Variants in PPP3CC observed in about 807,000 individuals in gnomAD.
PPP3CC encodes the protein protein phosphatase 3 catalytic subunit gamma, also known as serine/threonine-protein phosphatase 2B catalytic subunit gamma isoform.
PPP3CC carries 35 observed loss-of-function variants against 60.3 expected under a neutral mutation model. That is an observed-to-expected ratio of 0.58 (90% CI 0.44 to 0.77). The LOEUF (loss-of-function observed/expected upper bound fraction) is 0.77, where lower values mean the gene tolerates loss of function less well. Ranked by LOEUF, PPP3CC falls within the 30% of genes least tolerant of loss-of-function variation. PPP3CC has a pLI of 0.00. For missense variants in PPP3CC, 570 were observed against 628.9 expected (o/e 0.91, Z 1.00); for synonymous variants, 206 against 224.3 (o/e 0.92, Z 0.73).
At chr8:22,467,299 C>A (rs909765944) in intron 1 of PPP3CC, among the ~76,000 whole-genome samples, 2 of 152,086 alleles carry the variant, frequency 1.3e-5, no homozygotes, top group African/African-American at 4.8e-5. Flanking sequence ...CACATAGTAG[C>A]AATTCAATAA....
intron 1 of PPP3CC, among the ~76,000 whole-genome samples, chr8:22,457,538 C>A (rs759567250): frequency 3.3e-4 from 50 of 151,446 alleles, no homozygotes; most frequent in Non-Finnish European, 6.0e-4. Flanking sequence ...GAACTCCAGG[C>A]CTCAAGCGAT....
intron 4 of PPP3CC, among the ~76,000 whole-genome samples, chr8:22,503,475 G>T (rs1302514961): frequency 6.6e-6 from 1 of 152,134 alleles, no homozygotes; most frequent in African/African-American, 2.4e-5. Context: ...TTAAGTTTCA[G>T]AGGGTTTTTT....
chr8:22,522,819 C>A, intron 8 of PPP3CC, 70 bp downstream of exon 8: 1 of 1,094,476 alleles, frequency 9.1e-7, no homozygotes, highest in Admixed American at 2.2e-5. Context: ...ATTGTATGTA[C>A]GTATGTGTGT....
chr8:22,518,885 C>T (rs1839328639), intron 6 of PPP3CC, among the ~76,000 whole-genome samples: 1 of 152,122 alleles, frequency 6.6e-6, no homozygotes, highest in African/African-American at 2.4e-5. Flanking sequence ...CGGAGTTTCA[C>T]CATGTTGGCC....
At chr8:22,494,563 C>T (rs1838506943) in intron 3 of PPP3CC, among the ~76,000 whole-genome samples, 1 of 152,152 alleles carries the variant, frequency 6.6e-6, no homozygotes, top group African/African-American at 2.4e-5. Context: ...TGATTATCAT[C>T]ATTCATGCGT....
At chr8:22,505,912 T>TA (rs956255363) in intron 4 of PPP3CC, among the ~76,000 whole-genome samples, 13 of 151,968 alleles carry the variant, frequency 8.6e-5, no homozygotes, top group African/African-American at 3.1e-4. Flanking sequence ...TTTTTTTTTT[T>TA]AACTTTTATT....
chr8:22,457,862 C>T (rs1003371023), intron 1 of PPP3CC, among the ~76,000 whole-genome samples: 10 of 152,314 alleles, frequency 6.6e-5, no homozygotes, highest in East Asian at 3.9e-4. Flanking sequence ...GAGGCCAAGG[C>T]GGGCGGATCA....
At chr8:22,443,519 TAAAAAAA>T (rs5890033) in intron 1 of PPP3CC, among the ~76,000 whole-genome samples, 1 of 103,676 alleles carries the variant, frequency 9.6e-6, no homozygotes, top group Admixed American at 1.0e-4. Context: ...AAACTCTCTC[TAAAAAAA>T]AAAAAAAAAA....
chr8:22,484,171 T>G (rs1020331857), intron 3 of PPP3CC, among the ~76,000 whole-genome samples: 3 of 151,152 alleles, frequency 2.0e-5, no homozygotes, highest in African/African-American at 7.4e-5. Context: ...TAAAAACAAT[T>G]AATTTATCAA....
At chr8:22,486,037 G>A (rs191881504) in intron 3 of PPP3CC, among the ~76,000 whole-genome samples, 1 of 152,264 alleles carries the variant, frequency 6.6e-6, no homozygotes, top group African/African-American at 2.4e-5. Context: ...AATGTTATAT[G>A]TCCTGAGTGC....
chr8:22,473,956 G>A lies in PPP3CC; in HGVS notation c.50-998G>A, dbSNP rs181856885. Among the ~76,000 whole-genome samples, 230 of 151,070 alleles carry A rather than the reference G, an allele frequency of 1.5e-3. 3 individuals are homozygous for A. Among genetic ancestry groups the A allele is most frequent in the African/African-American group, 5.3e-3 (216 of 41,112 alleles). ...GTTGCCCAGGCTGGAGTTCAGTGGC[G>A]CGATCTCAGCTCACTGCAACCTCTG... On this transcript the variant is annotated intron_variant, in intron 1 of 13. Coordinates refer to ENST00000240139, the MANE Select transcript of PPP3CC (RefSeq NM_005605.5).
intron 3 of PPP3CC, among the ~76,000 whole-genome samples, chr8:22,486,355 C>A (rs1465627459): frequency 6.6e-6 from 1 of 152,108 alleles, no homozygotes; most frequent in East Asian, 1.9e-4. Flanking sequence ...CTGAACTACT[C>A]AAGCCAATCA....
chr8:22,514,209 C>G (rs1486042907), intron 6 of PPP3CC, among the ~76,000 whole-genome samples: 1 of 140,028 alleles, frequency 7.1e-6, no homozygotes, highest in Non-Finnish European at 1.5e-5. Flanking sequence ...GATTGTGCCA[C>G]TACACACCAA....
chr8:22,472,363 A>AAC (rs71546810), intron 1 of PPP3CC, among the ~76,000 whole-genome samples: 10,667 of 125,564 alleles, frequency 0.085, 501 homozygotes, highest in African/African-American at 0.12. Flanking sequence ...GGTAAAAATG[A>AAC]ACACACACAC....
At position 22,511,081 on chromosome 8, in the gene PPP3CC, G is replaced by C. The variant is rs372987653; in HGVS notation, c.485-5G>C. 1 of 1,610,316 alleles carries C rather than the reference G, an allele frequency of 6.2e-7. No homozygotes were observed. Among genetic ancestry groups the C allele is most frequent in the African/African-American group, 1.3e-5 (1 of 74,562 alleles). Reference sequence around the variant, plus strand: ...TTCCATTGACTGGTTTTCCTTTTTTGTTAGGTCGAATCAAATATTCGGAAC... The same window carrying C: ...TTCCATTGACTGGTTTTCCTTTTTTCTTAGGTCGAATCAAATATTCGGAAC... On this transcript the variant is annotated splice_region_variant and splice_polypyrimidine_tract_variant and intron_variant, in intron 4 of 13. Coordinates refer to ENST00000240139, the MANE Select transcript of PPP3CC (RefSeq NM_005605.5).
At chr8:22,534,361 G>A (rs1039035859) in intron 12 of PPP3CC, among the ~76,000 whole-genome samples, 5 of 151,642 alleles carry the variant, frequency 3.3e-5, no homozygotes. Context: ...GTTTGAGGCT[G>A]TAGTAAGTTA....
intron 3 of PPP3CC, among the ~76,000 whole-genome samples, chr8:22,494,829 C>T (rs2443500): frequency 0.51 from 77,294 of 152,058 alleles, 19,919 homozygotes; most frequent in African/African-American, 0.6. Context: ...CCAATCTCTT[C>T]AGTTTCTGGT....
intron 1 of PPP3CC, among the ~76,000 whole-genome samples, chr8:22,473,607 G>C (rs1330203655): frequency 2.6e-5 from 4 of 151,866 alleles, no homozygotes; most frequent in Non-Finnish European, 2.9e-5. Flanking sequence ...GGGATTACAG[G>C]TGTGTGCCAT....
chr8:22,485,060 T>C (rs1414543476), intron 3 of PPP3CC, among the ~76,000 whole-genome samples: 1 of 152,198 alleles, frequency 6.6e-6, no homozygotes, highest in Non-Finnish European at 1.5e-5. Flanking sequence ...TCTTTTAGTT[T>C]AAGGAACAAC....
Sources: gnomAD v4.1 joint callset for allele counts (sites outside exome capture counted in the v4.1 genomes callset) on GRCh38, gnomAD v4.1.1 for gene constraint, MANE v1.5 for transcripts, NCBI Gene and HGNC (gene_info 2026-07-23, HGNC 2026-07-21) for gene names.